Variants in CACNA2D1 observed in about 807,000 individuals in gnomAD.
The protein encoded by CACNA2D1 is voltage-dependent calcium channel subunit alpha-2/delta-1.
A neutral mutation model predicts 171.5 loss-of-function variants in CACNA2D1; 53 were observed. The ratio of observed to expected loss-of-function variants is 0.31; its 90% CI spans 0.25 to 0.39. CACNA2D1 has a LOEUF of 0.39. CACNA2D1 is among the 10% of genes least tolerant of loss of function. The probability of loss-of-function intolerance (pLI) is 1.00; values close to 1 mark genes in which losing one functional copy is unlikely to be tolerated. For missense variants in CACNA2D1, 903 were observed against 1,299.8 expected (o/e 0.69, Z 4.69); for synonymous variants, 442 against 443.1 (o/e 1.00, Z 0.03).
At chr7:82,032,558 A>G (rs1009357412) in intron 12 of CACNA2D1, among the ~76,000 whole-genome samples, 16 of 151,928 alleles carry the variant, frequency 1.1e-4, no homozygotes, top group African/African-American at 3.9e-4. Flanking sequence ...ATAAAATAGG[A>G]CCCATACATA....
At position 82,354,053 on chromosome 7, in the gene CACNA2D1, C is replaced by T. The variant is rs532858520; in HGVS notation, c.96-4404G>A. Among the ~76,000 whole-genome samples, 8 of 152,144 alleles carry T rather than the reference C, an allele frequency of 5.3e-5. No individual in the cohort carries two copies. In the East Asian group the frequency reaches 1.6e-3, roughly 30 times the overall value. On this transcript the variant is annotated intron_variant, in intron 1 of 38. Coordinates refer to ENST00000356860, the MANE Select transcript of CACNA2D1 (RefSeq NM_000722.4). ...TTCTTCGCTGAAGACTCTCATGTGG[C>T]GAGTGTCCTGCCCTATACCAAAGGG...
At chr7:82,110,849 T>A (rs1788291653) in intron 6 of CACNA2D1, among the ~76,000 whole-genome samples, 1 of 152,164 alleles carries the variant, frequency 6.6e-6, no homozygotes, top group African/African-American at 2.4e-5. Context: ...CCAGGCACTA[T>A]CATTAACCTC....
chr7:82,236,907 A>T (rs1803653507), intron 3 of CACNA2D1, among the ~76,000 whole-genome samples: 1 of 151,988 alleles, frequency 6.6e-6, no homozygotes, highest in Admixed American at 6.6e-5. Flanking sequence ...ATAAAATAAT[A>T]AATAATCCAA....
intron 3 of CACNA2D1, among the ~76,000 whole-genome samples, chr7:82,221,769 G>C (rs1458639465): frequency 1.7e-5 from 2 of 117,476 alleles, no homozygotes; most frequent in Non-Finnish European, 3.5e-5. Flanking sequence ...TCAGTTCACT[G>C]TTACCAAAAA....
chr7:82,411,876 G>A (rs1827705741), intron 1 of CACNA2D1, among the ~76,000 whole-genome samples: 1 of 146,422 alleles, frequency 6.8e-6, no homozygotes, highest in South Asian at 2.2e-4. Flanking sequence ...CTTACCTCAA[G>A]CCAAACGAAA....
chr7:82,313,354 A>T (rs1214202589), intron 3 of CACNA2D1, among the ~76,000 whole-genome samples: 2 of 152,194 alleles, frequency 1.3e-5, no homozygotes, highest in East Asian at 3.9e-4. Flanking sequence ...CAATAGCCCT[A>T]AAAAGCTGCC....
intron 1 of CACNA2D1, among the ~76,000 whole-genome samples, chr7:82,401,652 C>T (rs1826437848): frequency 6.6e-6 from 1 of 151,520 alleles, no homozygotes; most frequent in Non-Finnish European, 1.5e-5. Context: ...CACATGTATA[C>T]ATATGTAACT....
At chr7:82,434,326 T>C (rs1829943112) in intron 1 of CACNA2D1, among the ~76,000 whole-genome samples, 1 of 152,192 alleles carries the variant, frequency 6.6e-6, no homozygotes, top group African/African-American at 2.4e-5. Flanking sequence ...ATTAACTTAC[T>C]ATTTATTGTT....
At chr7:82,281,541 T>A (rs1810099959) in intron 3 of CACNA2D1, among the ~76,000 whole-genome samples, 1 of 152,186 alleles carries the variant, frequency 6.6e-6, no homozygotes, top group Admixed American at 6.5e-5. Context: ...TCACATAGAT[T>A]AAAAAGCAAC....
chr7:82,332,845 A>G, intron 3 of CACNA2D1, among the ~76,000 whole-genome samples: 1 of 152,114 alleles, frequency 6.6e-6, no homozygotes, highest in African/African-American at 2.4e-5. Flanking sequence ...ACAAAAAATT[A>G]AAAAATAGCC....
intron 10 of CACNA2D1, among the ~76,000 whole-genome samples, chr7:82,045,026 G>T (rs1432214489): frequency 6.6e-6 from 1 of 151,998 alleles, no homozygotes; most frequent in Non-Finnish European, 1.5e-5. Flanking sequence ...CAGGACTTTG[G>T]TTCATTTGCT....
intron 1 of CACNA2D1, among the ~76,000 whole-genome samples, chr7:82,386,775 T>G (rs985698983): frequency 6.7e-6 from 1 of 148,760 alleles, no homozygotes; most frequent in African/African-American, 2.5e-5. Context: ...AATAAATAAA[T>G]AAATAAAATA....
chr7:82,034,181 C>T (rs1303532835), intron 11 of CACNA2D1, among the ~76,000 whole-genome samples: 3 of 152,042 alleles, frequency 2.0e-5, no homozygotes, highest in Admixed American at 6.6e-5. Context: ...GATCAGCCAC[C>T]TTTCAAGTGC....
At chr7:81,984,566 T>G (rs1393630904) in intron 22 of CACNA2D1, 69 bp downstream of exon 22, 22 of 857,992 alleles carry the variant, frequency 2.6e-5, no homozygotes, top group Non-Finnish European at 4.3e-5. Context: ...TTCCAAAATC[T>G]AGACGTATTT....
chr7:82,061,621 A>G (rs1192153190), intron 9 of CACNA2D1, among the ~76,000 whole-genome samples: 1 of 152,150 alleles, frequency 6.6e-6, no homozygotes, highest in African/African-American at 2.4e-5. Flanking sequence ...ACTAACAAAG[A>G]CCATGGCATT....
chr7:82,220,506 G>A (rs1801626572), intron 3 of CACNA2D1, among the ~76,000 whole-genome samples: 1 of 152,062 alleles, frequency 6.6e-6, no homozygotes, highest in South Asian at 2.1e-4. Flanking sequence ...TTTTGTGTAT[G>A]TGACTTATAG....
At chr7:82,255,489 T>C (rs1032159917) in intron 3 of CACNA2D1, among the ~76,000 whole-genome samples, 2 of 152,194 alleles carry the variant, frequency 1.3e-5, no homozygotes, top group Non-Finnish European at 2.9e-5. Flanking sequence ...ACCAACACAG[T>C]TGGCATAACA....
chr7:82,065,611 T>G (rs1439094919), intron 8 of CACNA2D1, among the ~76,000 whole-genome samples: 1 of 152,196 alleles, frequency 6.6e-6, no homozygotes, highest in Non-Finnish European at 1.5e-5. Flanking sequence ...AGCCTCTAAA[T>G]ACAAGTCTTT....
chr7:82,001,306 C>A (rs80264199), intron 18 of CACNA2D1, among the ~76,000 whole-genome samples: 5 of 152,074 alleles, frequency 3.3e-5, no homozygotes, highest in African/African-American at 7.2e-5. Context: ...TTTATTTCCA[C>A]GTAGAAGTCA....
Sources: gnomAD v4.1 joint callset for allele counts (sites outside exome capture counted in the v4.1 genomes callset) on GRCh38, gnomAD v4.1.1 for gene constraint, MANE v1.5 for transcripts, NCBI Gene and HGNC (gene_info 2026-07-23, HGNC 2026-07-21) for gene names.